BANP: variants seen among roughly 807,000 people sequenced by gnomAD.
BANP encodes the protein BTG3 associated nuclear protein.
Under a neutral mutation model 68.1 loss-of-function variants are expected in BANP, and 11 were observed. The observed-to-expected ratio is 0.16, with a 90% CI of 0.10 to 0.27. BANP has a LOEUF of 0.27. Among genes scored for constraint, BANP ranks in the 10% least tolerant of loss-of-function variants. BANP has a pLI of 1.00. For synonymous variants in BANP, 329 were observed against 303.2 expected, an observed-to-expected ratio of 1.09 and a Z score of -0.88; for missense variants, 504 against 722.7, an observed-to-expected ratio of 0.70 and a Z score of 3.47.
chr16:88,061,229 CT>C lies in BANP; in HGVS notation c.1312-4037del, dbSNP rs1338647713. Among the ~76,000 whole-genome samples, 4 of 152,020 alleles carry C rather than the reference CT, an allele frequency of 2.6e-5. No individual in the cohort carries two copies. The East Asian group carries it at 7.8e-4, about 29-fold the overall frequency. On this transcript the variant is annotated intron_variant, in intron 11 of 13. Coordinates refer to ENST00000682872, the MANE Select transcript of BANP (RefSeq NM_001386991.1). ...AGGCACCTTTGTGTGAATGTGGGGT[CT>C]CCCGGGGCATCTTGCCATCGCTCTG...
chr16:88,040,482 C>T (rs1253230341), intron 11 of BANP, among the ~76,000 whole-genome samples: 2 of 150,092 alleles, frequency 1.3e-5, no homozygotes, highest in African/African-American at 5.0e-5. Context: ...CCCATGCCTA[C>T]AGAAGCCCCG....
intron 6 of BANP, among the ~76,000 whole-genome samples, 196 bp downstream of exon 6, chr16:88,006,461 A>G (rs1430220673): frequency 6.6e-6 from 1 of 151,522 alleles, no homozygotes; most frequent in Non-Finnish European, 1.5e-5. Flanking sequence ...AGCCTGGCCA[A>G]CATGGAGAAA....
At chr16:87,995,351 TC>T (rs1455616413) in intron 4 of BANP, among the ~76,000 whole-genome samples, 1 of 152,218 alleles carries the variant, frequency 6.6e-6, no homozygotes, top group Non-Finnish European at 1.5e-5. Context: ...ACCAGTTTCT[TC>T]TTTTATTTGG....
intron 11 of BANP, among the ~76,000 whole-genome samples, chr16:88,047,340 A>G (rs1297480145): frequency 1.3e-5 from 2 of 152,182 alleles, no homozygotes; most frequent in African/African-American, 4.8e-5. Flanking sequence ...GTTTCTCCCC[A>G]CATCTCCGTT....
intron 7 of BANP, among the ~76,000 whole-genome samples, chr16:88,023,990 C>G (rs1328215179): frequency 6.6e-6 from 1 of 152,220 alleles, no homozygotes; most frequent in Non-Finnish European, 1.5e-5. Context: ...TGACGCCACG[C>G]TGTGGGGATC....
intron 1 of BANP, among the ~76,000 whole-genome samples, chr16:87,951,717 T>C (rs1052690315): frequency 2.7e-5 from 4 of 149,420 alleles, no homozygotes; most frequent in African/African-American, 9.8e-5. Context: ...GAAGAGGGGC[T>C]CCCGCTTCCT....
intron 1 of BANP, 85 bp downstream of exon 1, chr16:87,951,600 C>T (rs2056861667): frequency 6.6e-6 from 1 of 150,524 alleles, no homozygotes; most frequent in South Asian, 1.8e-4. Flanking sequence ...CCTCCTCCCT[C>T]CTCCTCCCGC....
At chr16:88,044,240 A>G (rs1442427897) in intron 11 of BANP, among the ~76,000 whole-genome samples, 1 of 152,260 alleles carries the variant, frequency 6.6e-6, no homozygotes, top group Admixed American at 6.5e-5. Context: ...TGCGCAAGCC[A>G]CAGCAGGAAG....
At chr16:88,039,808 G>T (rs77371418) in intron 11 of BANP, among the ~76,000 whole-genome samples, 2 of 143,352 alleles carry the variant, frequency 1.4e-5, no homozygotes, top group East Asian at 2.1e-4. Flanking sequence ...TGGTGTCTCT[G>T]GTTCCTCCGT....
intron 12 of BANP, among the ~76,000 whole-genome samples, chr16:88,065,880 G>A (rs547078903): frequency 3.3e-5 from 5 of 152,192 alleles, no homozygotes; most frequent in East Asian, 3.9e-4. Context: ...TGTCCCCAGC[G>A]GAGCAGCTCC....
intron 11 of BANP, among the ~76,000 whole-genome samples, chr16:88,059,407 T>C (rs922733353): frequency 1.3e-5 from 2 of 152,130 alleles, no homozygotes; most frequent in Non-Finnish European, 2.9e-5. Flanking sequence ...ATAAGGCCCC[T>C]GTCACTGGGT....
intron 5 of BANP, among the ~76,000 whole-genome samples, chr16:88,005,285 A>G (rs1351261127): frequency 6.6e-6 from 1 of 152,172 alleles, no homozygotes; most frequent in African/African-American, 2.4e-5. Flanking sequence ...TTCAGCGTGG[A>G]CAGCGCTCTA....
At chr16:88,031,900 GT>G (rs2078265087) in intron 8 of BANP, among the ~76,000 whole-genome samples, 1 of 151,366 alleles carries the variant, frequency 6.6e-6, no homozygotes, top group Non-Finnish European at 1.5e-5. Flanking sequence ...CTACTCCCAG[GT>G]TCAAGTGGTT....
chr16:87,981,975 A>G (rs563641933), intron 3 of BANP, among the ~76,000 whole-genome samples: 2 of 152,252 alleles, frequency 1.3e-5, no homozygotes, highest in Admixed American at 6.5e-5. Flanking sequence ...CACTTTTCAT[A>G]TAATTCTTCT....
In BANP at chr16:87,957,307, TG is replaced by T. The variant is rs2144694702; in HGVS notation, c.-69+5793del. On this transcript the variant is annotated intron_variant, in intron 1 of 13. Coordinates refer to ENST00000682872, the MANE Select transcript of BANP (RefSeq NM_001386991.1). This position sits in a 1 kb window ranked among gnomAD's most constrained non-coding sequence, Gnocchi z 4.3. Reference sequence around the variant, plus strand: ...GAAGGACACATGGAGCAGAGGCGGCTGAGGAGGTGAAAGGCTGAGAGGAGGC... The same window carrying T: ...GAAGGACACATGGAGCAGAGGCGGCTAGGAGGTGAAAGGCTGAGAGGAGGC... Among the ~76,000 whole-genome samples, 1 of 152,260 alleles carries T rather than the reference TG, an allele frequency of 6.6e-6. No homozygotes were observed. The highest frequency in any genetic ancestry group is 2.1e-4 in the South Asian group (1 of 4,828).
Position 87,965,013 on chromosome 16 carries a change from G to T in BANP, c.-68-10035G>T, listed in dbSNP as rs529115022. ...CATGTGCGAGGTCTGAGCTGGCAGG[G>T]TGATAGGCGCCATTGGCGTGGAGAT... is the stretch of plus-strand genomic sequence containing the variant. On this transcript the variant is annotated intron_variant, in intron 1 of 13. Coordinates refer to ENST00000682872, the MANE Select transcript of BANP (RefSeq NM_001386991.1). 2.6e-5 allele frequency among the ~76,000 whole-genome samples: 4 copies of T among 152,302 alleles called. No homozygotes were observed. The East Asian group carries it at 7.7e-4, about 29-fold the overall frequency.
At chr16:88,027,777 TGCGCGGTGC>T in intron 8 of BANP, 127 bp downstream of exon 8, 1 of 1,143,638 alleles carries the variant, frequency 8.7e-7, no homozygotes, top group South Asian at 1.4e-5. Flanking sequence ...GCCAGAGGCT[TGCGCGGTGC>T]GCACGGAGCA....
At chr16:88,008,986 T>C (rs2072157602) in intron 6 of BANP, among the ~76,000 whole-genome samples, 1 of 152,272 alleles carries the variant, frequency 6.6e-6, no homozygotes, top group African/African-American at 2.4e-5. Context: ...TATGAAAATA[T>C]CTGCTTGAGC....
intron 2 of BANP, chr16:87,978,781 C>G: frequency 1.5e-5 from 6 of 393,964 alleles, no homozygotes; most frequent in South Asian, 1.1e-4. Context: ...AGCCTTAACA[C>G]GCTAAGTGAT....
Sources: gnomAD v4.1 joint callset for allele counts (sites outside exome capture counted in the v4.1 genomes callset) on GRCh38, gnomAD v4.1.1 for gene constraint, Gnocchi (gnomAD v3.1) non-coding constraint, MANE v1.5 for transcripts, NCBI Gene and HGNC (gene_info 2026-07-23, HGNC 2026-07-21) for gene names.